Variants in POU2F2 observed in about 807,000 individuals in gnomAD.
POU2F2 encodes the protein POU class 2 homeobox 2.
POU2F2 carries 14 observed loss-of-function variants against 63.5 expected under a neutral mutation model. That is an observed-to-expected ratio of 0.22 (90% confidence interval 0.15 to 0.34). The LOEUF is 0.34. POU2F2 is among the 10% of genes least tolerant of loss of function. The pLI is 1.00. For synonymous variants in POU2F2, 306 were observed against 348.6 expected (o/e 0.88, Z 1.36); for missense variants, 607 against 815.2 (o/e 0.74, Z 3.11).
intron 2 of POU2F2, among the ~76,000 whole-genome samples, chr19:42,141,948 G>T (rs549301161): frequency 3.3e-5 from 5 of 152,316 alleles, no homozygotes; most frequent in African/African-American, 9.6e-5. Flanking sequence ...GGAATACTAT[G>T]CAGTTATGAA....
intron 1 of POU2F2, among the ~76,000 whole-genome samples, chr19:42,163,496 G>A (rs2034591569): frequency 6.6e-6 from 1 of 152,092 alleles, no homozygotes; most frequent in African/African-American, 2.4e-5. Context: ...ACATAGGCCG[G>A]CATCACGCCT....
intron 2 of POU2F2, among the ~76,000 whole-genome samples, chr19:42,151,810 G>A (rs376310666): frequency 6.6e-6 from 1 of 152,212 alleles, no homozygotes; most frequent in African/African-American, 2.4e-5. Context: ...GGGAAGAGGA[G>A]GCTGAGGAAA....
At chr19:42,154,199 G>T (rs559634546) in intron 2 of POU2F2, among the ~76,000 whole-genome samples, 2 of 152,006 alleles carry the variant, frequency 1.3e-5, no homozygotes, top group Non-Finnish European at 2.9e-5. Flanking sequence ...GAAAAAAAGG[G>T]GGGGACAGGG....
chr19:42,119,252 G>A (rs1053781513), intron 4 of POU2F2, among the ~76,000 whole-genome samples: 3 of 152,216 alleles, frequency 2.0e-5, no homozygotes, highest in African/African-American at 2.4e-5. Context: ...GCCTCTGGAA[G>A]GCTGGTCGTG....
At chr19:42,107,977 T>G (rs1035807058) in intron 5 of POU2F2, among the ~76,000 whole-genome samples, 2 of 102,316 alleles carry the variant, frequency 2.0e-5, no homozygotes, top group Non-Finnish European at 4.3e-5. Context: ...CCTCATACCT[T>G]TGCTATACCC....
chr19:42,158,111 C>T (rs967014168), intron 2 of POU2F2, among the ~76,000 whole-genome samples: 1 of 152,216 alleles, frequency 6.6e-6, no homozygotes, highest in African/African-American at 2.4e-5. Flanking sequence ...AAGAGTATGG[C>T]TTCCTTCAAA....
chr19:42,096,007 G>A lies in POU2F2; in HGVS notation c.729+75C>T, dbSNP rs1414333744. On this transcript the variant is annotated intron_variant, in intron 8 of 14. Coordinates refer to ENST00000692977, the MANE Select transcript of POU2F2 (RefSeq NM_001394376.1). This position sits in a 1 kb window ranked among gnomAD's most constrained non-coding sequence, Gnocchi z 4.1. ...CTGGGCCCGCTCCGCCCGCCCACTGGCCACGCCCCTCGCGGCATCTATCAA... is the reference window on the plus strand; with the variant it reads ...CTGGGCCCGCTCCGCCCGCCCACTGACCACGCCCCTCGCGGCATCTATCAA... 6 of 1,582,542 alleles carry A rather than the reference G, an allele frequency of 3.8e-6. No homozygotes were observed. In the East Asian group the frequency reaches 1.4e-4, roughly 37 times the overall value.
chr19:42,170,719 A>G (rs2034745468), intron 1 of POU2F2, among the ~76,000 whole-genome samples: 1 of 152,262 alleles, frequency 6.6e-6, no homozygotes, highest in Non-Finnish European at 1.5e-5. Flanking sequence ...ACAAACATGC[A>G]CACATACAAA....
chr19:42,138,777 A>C (rs965101667), intron 2 of POU2F2, among the ~76,000 whole-genome samples: 10 of 152,146 alleles, frequency 6.6e-5, no homozygotes, highest in Admixed American at 5.2e-4. Context: ...CATCACTGAA[A>C]GACACAGTGA....
At position 42,095,888 on chromosome 19, in the gene POU2F2, G is replaced by A; in HGVS notation, c.771C>T (p.Asp257=). 6.2e-7 allele frequency: 1 copy of A among 1,613,986 alleles called. No homozygotes were observed. Among genetic ancestry groups the A allele is most frequent in the Non-Finnish European group, 8.5e-7 (1 of 1,179,894 alleles). ...AGCGGGAAATGGTCGTCTGGCTGAA[G>A]TCGTTGCCGTAGAGCTTGCCCATGG... ...GLAMGKLYGN[D]FSQTTISRFE... Residue 257 remains aspartate, a synonymous_variant, in exon 9 of 15, where the codon GAC becomes GAT. Transcript: ENST00000692977. This position sits in a 1 kb window ranked among gnomAD's most constrained non-coding sequence, Gnocchi z 7.1.
upstream of POU2F2, among the ~76,000 whole-genome samples, chr19:42,133,868 G>A (rs1202296600): frequency 6.6e-6 from 1 of 152,048 alleles, no homozygotes; most frequent in Admixed American, 6.5e-5. The surrounding 1 kb of genome is among the most constrained non-coding windows in gnomAD (Gnocchi z 5.1). Flanking sequence ...ACAACTACAG[G>A]AGTGCCCTCC....
rs1388375640 is a variant in POU2F2, at chr19:42,117,126, G to A, written c.369+124C>T. On this transcript the variant is annotated intron_variant, in intron 5 of 14. Coordinates refer to ENST00000692977, the MANE Select transcript of POU2F2 (RefSeq NM_001394376.1). The surrounding 1 kb of genome is among the most constrained non-coding windows in gnomAD (Gnocchi z 4.4). ...GGACAAGACCTCCTAGAGGACAGAAGAGGGCAAGAGGCAGGTGTGAGAGAG... is the reference window on the plus strand; with the variant it reads ...GGACAAGACCTCCTAGAGGACAGAAAAGGGCAAGAGGCAGGTGTGAGAGAG... 4 of 816,760 alleles carry A rather than the reference G, an allele frequency of 4.9e-6. No homozygotes were observed. Among genetic ancestry groups the A allele is most frequent in the South Asian group, 1.7e-5 (1 of 57,440 alleles). The allele number at this position is 816,760 out of a possible 1,614,324, so 50.6% of individuals were successfully genotyped here.
intron 2 of POU2F2, among the ~76,000 whole-genome samples, chr19:42,139,377 C>T (rs1443136848): frequency 6.6e-6 from 1 of 152,188 alleles, no homozygotes; most frequent in East Asian, 1.9e-4. Context: ...AATTCGCCCT[C>T]TAGTGACCTA....
rs770343133 is a variant in POU2F2, at chr19:42,099,610, G to A, written c.484C>T (p.Pro162Ser). 1 of 1,613,668 alleles carries A rather than the reference G, an allele frequency of 6.2e-7. No individual in the cohort carries two copies. Among genetic ancestry groups the A allele is most frequent in the Non-Finnish European group, 8.5e-7 (1 of 1,179,674 alleles). Residue 162 changes from proline to serine, a missense_variant, in exon 7 of 15, where the codon CCG becomes TCG. Physicochemically the swap from Pro to Ser is moderately conservative, Grantham distance 74. Coordinates refer to ENST00000692977, the MANE Select transcript of POU2F2 (RefSeq NM_001394376.1). Reference sequence around the variant, plus strand: ...GGTAGCTGGAATAGATTTGGTGTCGGTAGCAGGCCTGGAAAGACAAGGGGA... The same window carrying A: ...GGTAGCTGGAATAGATTTGGTGTCGATAGCAGGCCTGGAAAGACAAGGGGA... Reference protein sequence around the residue: ...QAQQSQPGLLPTPNLFQLPQQ... With the variant: ...QAQQSQPGLLSTPNLFQLPQQ...
rs185223119 is a variant in POU2F2 at position 42,188,527 on chromosome 19, C to T, written c.-70+7856G>A. ...CTCTACTAAAAATACAAAAATTAGC[C>T]GGGCGTGGTGGCAGATGCCTGTAAT... On this transcript the variant is annotated intron_variant, in intron 1 of 5. Coordinates refer to the POU2F2 transcript ENST00000532176. 3.4e-3 allele frequency among the ~76,000 whole-genome samples: 517 copies of T among 151,470 alleles called. 5 individuals are homozygous for T. Among genetic ancestry groups the T allele is most frequent in the African/African-American group, 0.012 (490 of 41,326 alleles).
At chr19:42,109,911 C>T (rs2030793788) in intron 5 of POU2F2, among the ~76,000 whole-genome samples, 2 of 152,142 alleles carry the variant, frequency 1.3e-5, no homozygotes, top group African/African-American at 4.8e-5. Flanking sequence ...TGTATCAAAA[C>T]ATCATATTTT....
At position 42,097,234 on chromosome 19, in the gene POU2F2, G is replaced by A. The variant is rs1342551284; in HGVS notation, c.568-991C>T. On this transcript the variant is annotated intron_variant, in intron 7 of 14. Transcript: ENST00000692977. ...TTTTTTGAGATGGAGTTTCACCCTT[G>A]TTGCCTAGGCTGGAATGCAATGGTG... is the stretch of plus-strand genomic sequence containing the variant. Among the ~76,000 whole-genome samples the A allele has an allele frequency of 6.7e-5, 7 of 103,986 alleles. No homozygotes were observed. In the East Asian group the frequency reaches 2.0e-3, roughly 30 times the overall value. The allele number at this position is 103,986 out of a possible 152,430, so 68.2% of individuals were successfully genotyped here. A position where few individuals can be genotyped will look rare whatever the true frequency, so the allele number is the denominator to read the frequency against.
Position 42,117,037 on chromosome 19 carries a change from G to A in POU2F2, c.369+213C>T, listed in dbSNP as rs951533298. 3 of 659,622 alleles carry A rather than the reference G, an allele frequency of 4.5e-6. No homozygotes were observed. The highest frequency in any genetic ancestry group is 1.8e-5 in the African/African-American group (1 of 55,234). 40.9% of individuals were successfully genotyped at this position (659,622 alleles called of 1,614,324 possible). A position where few individuals can be genotyped will look rare whatever the true frequency, so the allele number is the denominator to read the frequency against. On this transcript the variant is annotated intron_variant, in intron 5 of 14. Coordinates refer to ENST00000692977, the MANE Select transcript of POU2F2 (RefSeq NM_001394376.1). The surrounding 1 kb of genome is among the most constrained non-coding windows in gnomAD (Gnocchi z 4.4). ...GGTGTCGGGGACAGCAGGAATTGGAGCAAGGGGTTGAAGAGGAGCAGAGAA... is the reference window on the plus strand; with the variant it reads ...GGTGTCGGGGACAGCAGGAATTGGAACAAGGGGTTGAAGAGGAGCAGAGAA...
chr19:42,142,127 A>G (rs1469374695), intron 2 of POU2F2, among the ~76,000 whole-genome samples: 2 of 152,228 alleles, frequency 1.3e-5, no homozygotes, highest in Non-Finnish European at 2.9e-5. Flanking sequence ...AGTATTAAGC[A>G]AATGCAGAAA....
Sources: allele counts gnomAD v4.1 joint callset (sites outside exome capture counted in the v4.1 genomes callset), GRCh38; gene constraint gnomAD v4.1.1; non-coding constraint Gnocchi (gnomAD v3.1); transcripts MANE v1.5; gene names NCBI Gene and HGNC (gene_info 2026-07-23, HGNC 2026-07-21).